Variants in SPIDR observed in about 807,000 individuals in gnomAD.
SPIDR encodes the protein scaffold protein involved in DNA repair.
Under a neutral mutation model 104.6 loss-of-function variants are expected in SPIDR, and 93 were observed. The observed-to-expected ratio is 0.89, with a 90% CI of 0.75 to 1.06. The LOEUF (loss-of-function observed/expected upper bound fraction) is 1.06. SPIDR is among the 50% of genes least tolerant of loss of function. SPIDR has a pLI of 0.00. For missense variants in SPIDR, 1,154 were observed against 1,111.2 expected (o/e 1.04, Z -0.55); for synonymous variants, 431 against 416.9 (o/e 1.03, Z -0.41).
intron 8 of SPIDR, among the ~76,000 whole-genome samples, chr8:47,445,447 CT>C (rs2070390540): frequency 6.6e-6 from 1 of 152,200 alleles, no homozygotes; most frequent in Admixed American, 6.5e-5. Context: ...CCCCATCTTA[CT>C]TTCTCTCCTC....
intron 5 of SPIDR, chr8:47,357,875 G>A (rs938188100): frequency 1.0e-6 from 1 of 984,536 alleles, no homozygotes; most frequent in Non-Finnish European, 1.2e-6. Context: ...ATGAAGGTCA[G>A]TAAATGATAC....
intron 5 of SPIDR, among the ~76,000 whole-genome samples, chr8:47,376,175 A>T (rs1158705320): frequency 6.6e-6 from 1 of 152,230 alleles, no homozygotes; most frequent in Non-Finnish European, 1.5e-5. Flanking sequence ...ACTGAGCAGG[A>T]ATTGAAGAGC....
intron 5 of SPIDR, among the ~76,000 whole-genome samples, chr8:47,331,576 G>A (rs1554604545): frequency 1.3e-5 from 2 of 152,156 alleles, no homozygotes; most frequent in African/African-American, 2.4e-5. Context: ...GAACTGAAAG[G>A]TGCTCTGGGT....
intron 8 of SPIDR, among the ~76,000 whole-genome samples, chr8:47,541,379 A>T (rs2088100348): frequency 6.6e-6 from 1 of 152,190 alleles, no homozygotes; most frequent in African/African-American, 2.4e-5. Context: ...TTTTCACCAC[A>T]ATAGTGTATA....
intron 11 of SPIDR, among the ~76,000 whole-genome samples, chr8:47,681,091 G>A (rs1452250536): frequency 6.6e-6 from 1 of 152,236 alleles, no homozygotes. Context: ...GAGAGAGAAT[G>A]CGAATCTTGA....
intron 5 of SPIDR, among the ~76,000 whole-genome samples, chr8:47,389,372 T>A (rs2060301970): frequency 6.6e-6 from 1 of 152,104 alleles, no homozygotes; most frequent in African/African-American, 2.4e-5. Context: ...AGTAATTTTT[T>A]TTGTAAGGAT....
chr8:47,693,242 GC>G (rs2154480154), intron 11 of SPIDR, among the ~76,000 whole-genome samples: 1 of 152,314 alleles, frequency 6.6e-6, no homozygotes, highest in Non-Finnish European at 1.5e-5. Flanking sequence ...CTTCTGGAAG[GC>G]ATTATTTTTA....
intron 10 of SPIDR, among the ~76,000 whole-genome samples, chr8:47,637,143 C>T (rs1459698402): frequency 6.6e-6 from 1 of 152,188 alleles, no homozygotes; most frequent in African/African-American, 2.4e-5. Context: ...TAATTATGCT[C>T]CAGGATCCCA....
chr8:47,701,893 T>A, intron 13 of SPIDR, 29 bp downstream of exon 13: 1 of 1,614,176 alleles, frequency 6.2e-7, no homozygotes, highest in Non-Finnish European at 8.5e-7. Flanking sequence ...ACAGGTTTTT[T>A]AGGTATTGGC....
intron 10 of SPIDR, among the ~76,000 whole-genome samples, chr8:47,657,554 A>G (rs1282946066): frequency 6.6e-6 from 1 of 152,162 alleles, no homozygotes; most frequent in East Asian, 1.9e-4. Context: ...TGACACACAT[A>G]CAAGTAAAAG....
chr8:47,680,023 G>C (rs886519189), intron 11 of SPIDR, among the ~76,000 whole-genome samples: 2 of 152,116 alleles, frequency 1.3e-5, no homozygotes, highest in Non-Finnish European at 2.9e-5. Flanking sequence ...TAAGGGTGGC[G>C]ACCCATTACT....
At chr8:47,732,821 T>C (rs1374712328) in intron 19 of SPIDR, 1 of 152,434 alleles carries the variant, frequency 6.6e-6, no homozygotes, top group African/African-American at 2.4e-5. Flanking sequence ...GTGTTAAGTT[T>C]TATGCCTTTA....
At chr8:47,396,134 T>C (rs2061223049) in intron 5 of SPIDR, among the ~76,000 whole-genome samples, 1 of 152,210 alleles carries the variant, frequency 6.6e-6, no homozygotes, top group Admixed American at 6.5e-5. Flanking sequence ...GTATTTGTAC[T>C]TATTTTTGTG....
At chr8:47,375,089 T>C (rs1312310087) in intron 5 of SPIDR, among the ~76,000 whole-genome samples, 2 of 151,958 alleles carry the variant, frequency 1.3e-5, no homozygotes, top group Admixed American at 1.3e-4. Context: ...CATTTAATTA[T>C]AACAGACAAG....
chr8:47,485,134 G>A (rs902600945), intron 8 of SPIDR, among the ~76,000 whole-genome samples: 3 of 152,166 alleles, frequency 2.0e-5, no homozygotes, highest in Non-Finnish European at 4.4e-5. Flanking sequence ...CTGGAAAATC[G>A]GGTCACTCCC....
chr8:47,713,410 T>A lies in SPIDR; in HGVS notation c.2189-79T>A. 2.5e-6 allele frequency: 4 copies of A among 1,593,488 alleles called. No individual in the cohort carries two copies. The South Asian group carries it at 4.5e-5, about 18-fold the overall frequency. On this transcript the variant is annotated intron_variant, in intron 15 of 19. Coordinates refer to ENST00000297423, the MANE Select transcript of SPIDR (RefSeq NM_001080394.4). ...ACCTTCACCTGCATGACTCGAGGGGTAGCAAAGGAGACTGCCATTATGGGC... is the reference window on the plus strand; with the variant it reads ...ACCTTCACCTGCATGACTCGAGGGGAAGCAAAGGAGACTGCCATTATGGGC...
intron 8 of SPIDR, among the ~76,000 whole-genome samples, chr8:47,484,513 G>T (rs1247839009): frequency 6.6e-6 from 1 of 152,202 alleles, no homozygotes; most frequent in Non-Finnish European, 1.5e-5. Flanking sequence ...GGTGGCAGAG[G>T]CACAGTGACA....
chr8:47,681,785 T>C (rs1305410636), intron 11 of SPIDR, among the ~76,000 whole-genome samples: 2 of 152,182 alleles, frequency 1.3e-5, no homozygotes, highest in Non-Finnish European at 2.9e-5. Context: ...TAATGTGTAT[T>C]TTGCATAAGA....
chr8:47,734,989 GC>G (rs1234855683), intron 19 of SPIDR, among the ~76,000 whole-genome samples: 1 of 152,188 alleles, frequency 6.6e-6, no homozygotes, highest in Non-Finnish European at 1.5e-5. Flanking sequence ...TGTGTGCCCA[GC>G]CCCGGCCTTC....
Sources: gnomAD v4.1 joint callset for allele counts (sites outside exome capture counted in the v4.1 genomes callset) on GRCh38, gnomAD v4.1.1 for gene constraint, MANE v1.5 for transcripts, NCBI Gene and HGNC (gene_info 2026-07-23, HGNC 2026-07-21) for gene names.